The following CRLF3 variants were observed in gnomAD, a reference collection of about 807,000 sequenced individuals.
CRLF3 encodes the protein cytokine receptor like factor 3.
Under a neutral mutation model 55.0 loss-of-function variants are expected in CRLF3, and 33 were observed. The observed-to-expected ratio is 0.60, with a 90% CI of 0.46 to 0.80. CRLF3 has a LOEUF of 0.80. Ranked by LOEUF, CRLF3 falls within the 30% of genes least tolerant of loss-of-function variation. The probability of loss-of-function intolerance (pLI) is 0.00; values close to 1 mark genes in which losing one functional copy is unlikely to be tolerated. For synonymous variants in CRLF3, 238 were observed against 196.8 expected (o/e 1.21, Z -1.75); for missense variants, 494 against 538.4 (o/e 0.92, Z 0.82).
rs1274985071 is a variant in CRLF3 at position 30,784,292 on chromosome 17, T to C, written c.1224A>G (p.Ser408=). 1.9e-6 allele frequency: 3 copies of C among 1,614,024 alleles called. No individual in the cohort carries two copies. Among genetic ancestry groups the C allele is most frequent in the Middle Eastern group, 1.6e-4 (1 of 6,082 alleles). ...GHFKLRVTIS[S]NNREVVFDWL... ...AGTCAAAAACCACTTCTCTATTATT[T>C]GAACTTATAGTTACTCGAAGCTTGA... Residue 408 remains serine (S), a synonymous_variant, in exon 8 of 8, where the codon TCA becomes TCG. Coordinates refer to ENST00000324238, the MANE Select transcript of CRLF3 (RefSeq NM_015986.4).
Position 30,784,083 on chromosome 17 carries a change from T to C in CRLF3, c.*104A>G, listed in dbSNP as rs1971573740. 2 of 1,018,078 alleles carry C rather than the reference T, an allele frequency of 2.0e-6. No homozygotes were observed. Among genetic ancestry groups the C allele is most frequent in the Non-Finnish European group, 1.4e-6 (1 of 692,160 alleles). The allele number at this position is 1,018,078 out of a possible 1,614,324, so 63.1% of individuals were successfully genotyped here. On this transcript the variant is annotated 3_prime_UTR_variant, in exon 8 of 8. Coordinates refer to ENST00000324238, the MANE Select transcript of CRLF3 (RefSeq NM_015986.4). ...ATCCAGTAAACACTTTCCAATGGCC[T>C]AAGTTAGAGATGAATTCAACTTTTT...
intron 1 of CRLF3, among the ~76,000 whole-genome samples, chr17:30,815,541 C>CTTTT (rs57194440): frequency 8.6e-6 from 1 of 116,390 alleles, no homozygotes; most frequent in Non-Finnish European, 1.7e-5. Context: ...CTAGTTTCTT[C>CTTTT]TTTTTTTTTT....
intron 1 of CRLF3, among the ~76,000 whole-genome samples, chr17:30,813,017 T>C (rs552839978): frequency 1.3e-5 from 2 of 152,130 alleles, no homozygotes; most frequent in African/African-American, 4.8e-5. Context: ...CACAAGAGTG[T>C]TGCCAAGCAA....
intron 2 of CRLF3, among the ~76,000 whole-genome samples, chr17:30,799,496 C>T (rs574331140): frequency 5.0e-4 from 76 of 151,754 alleles, no homozygotes; most frequent in African/African-American, 1.7e-3. Flanking sequence ...GTAGCTAGGA[C>T]TACAGGAATG....
chr17:30,784,061 C>G lies in CRLF3; in HGVS notation c.*126G>C. 1 of 769,122 alleles carries G rather than the reference C, an allele frequency of 1.3e-6. No individual in the cohort carries two copies. Among genetic ancestry groups the G allele is most frequent in the East Asian group, 2.6e-5 (1 of 38,946 alleles). The allele number at this position is 769,122 out of a possible 1,614,324, so 47.6% of individuals were successfully genotyped here. A position where few individuals can be genotyped will look rare whatever the true frequency, so the allele number is the denominator to read the frequency against. ...TTGCTAAAATATTACAAAATGAATC[C>G]AGTAAACACTTTCCAATGGCCTAAG... is the stretch of plus-strand genomic sequence containing the variant. On this transcript the variant is annotated 3_prime_UTR_variant, in exon 8 of 8. Coordinates refer to ENST00000324238, the MANE Select transcript of CRLF3 (RefSeq NM_015986.4).
intron 1 of CRLF3, among the ~76,000 whole-genome samples, chr17:30,809,061 T>C (rs554141554): frequency 6.6e-6 from 1 of 152,324 alleles, no homozygotes; most frequent in Admixed American, 6.5e-5. Context: ...TTAGCGGATA[T>C]AGCATACACA....
chr17:30,788,490 A>T (rs1389269468), intron 6 of CRLF3, among the ~76,000 whole-genome samples: 2 of 151,680 alleles, frequency 1.3e-5, no homozygotes, highest in Non-Finnish European at 2.9e-5. Flanking sequence ...GTGGGTCTAG[A>T]GACTGTTAAA....
At chr17:30,795,462 T>C (rs11658913) in intron 4 of CRLF3, among the ~76,000 whole-genome samples, 20,421 of 148,410 alleles carry the variant, frequency 0.14, 1,482 homozygotes, top group South Asian at 0.25. Context: ...TGCCATTGTA[T>C]TCCAGCCTGA....
intron 6 of CRLF3, among the ~76,000 whole-genome samples, chr17:30,791,186 TCA>T (rs1331819015): frequency 6.6e-6 from 1 of 152,028 alleles, no homozygotes; most frequent in Non-Finnish European, 1.5e-5. Flanking sequence ...TTCTCCTGCC[TCA>T]CTCTCCCTAG....
At position 30,815,147 on chromosome 17, in the gene CRLF3, G is replaced by A. The variant is rs564085990; in HGVS notation, c.129+9376C>T. Among the ~76,000 whole-genome samples, 29 of 140,024 alleles carry A rather than the reference G, an allele frequency of 2.1e-4. No individual in the cohort carries two copies. The East Asian group carries it at 6.1e-3, about 29-fold the overall frequency. The allele number at this position is 140,024 out of a possible 152,430, so 91.9% of individuals were successfully genotyped here. ...ATTGCCCAAGCTGGAATGCAGTGGC[G>A]CAATCTTGGCTCTGTGCAACCTCTG... On this transcript the variant is annotated intron_variant, in intron 1 of 7. Coordinates refer to ENST00000324238, the MANE Select transcript of CRLF3 (RefSeq NM_015986.4).
At chr17:30,805,713 CAAAAA>C (rs58852260) in intron 1 of CRLF3, among the ~76,000 whole-genome samples, 1 of 70,982 alleles carries the variant, frequency 1.4e-5, no homozygotes, top group Non-Finnish European at 3.0e-5. Flanking sequence ...GACTCCGTCT[CAAAAA>C]AAAAAAAAAA....
chr17:30,786,104 T>C, intron 6 of CRLF3, 73 bp from the exon 7 acceptor site: 1 of 821,104 alleles, frequency 1.2e-6, no homozygotes, highest in Non-Finnish European at 2.1e-6. Flanking sequence ...AGCCACTAGC[T>C]TAAAAAGAGC....
At chr17:30,803,784 G>T in intron 2 of CRLF3, 117 bp downstream of exon 2, 1 of 784,978 alleles carries the variant, frequency 1.3e-6, no homozygotes, top group Non-Finnish European at 2.2e-6. Flanking sequence ...CAGCCACATG[G>T]AACTGTAAGT....
chr17:30,789,751 G>GTAAA (rs1971745659), intron 6 of CRLF3, among the ~76,000 whole-genome samples: 1 of 152,140 alleles, frequency 6.6e-6, no homozygotes, highest in African/African-American at 2.4e-5. Context: ...ATGGCACATA[G>GTAAA]TAAATACTGT....
At position 30,784,304 on chromosome 17, in the gene CRLF3, T is replaced by TA; in HGVS notation, c.1211dup (p.Thr405AsnfsTer6). 1 of 1,614,150 alleles carries TA rather than the reference T, an allele frequency of 6.2e-7. No homozygotes were observed. Among genetic ancestry groups the TA allele is most frequent in the Non-Finnish European group, 8.5e-7 (1 of 1,180,014 alleles). On this transcript the variant is annotated frameshift_variant, in exon 8 of 8. Transcript: ENST00000324238. LOFTEE classifies it high-confidence loss of function. ...CTTCTCTATTATTTGAACTTATAGT[T>TA]ACTCGAAGCTTGAAGTGTCCACCTT...
At chr17:30,787,456 G>T (rs1971673968) in intron 6 of CRLF3, 1 of 151,540 alleles carries the variant, frequency 6.6e-6, no homozygotes, top group Non-Finnish European at 1.5e-5. Context: ...TACTTTGTGT[G>T]CTCTTGAAAT....
chr17:30,824,189 C>T (rs181075562), intron 1 of CRLF3, among the ~76,000 whole-genome samples: 58 of 151,950 alleles, frequency 3.8e-4, no homozygotes, highest in Admixed American at 1.4e-3. Flanking sequence ...CAGTCTCCTC[C>T]TCCCCCGACT....
chr17:30,792,107 C>CA lies in CRLF3; in HGVS notation c.959+332dup, dbSNP rs1224713395. Reference sequence around the variant, plus strand: ...AGGTGATCCACCTGCCTCGGCCTACCAAAGTGCTGGGGTTACAGGTGTGAA... The same window carrying CA: ...AGGTGATCCACCTGCCTCGGCCTACCAAAAGTGCTGGGGTTACAGGTGTGAA... On this transcript the variant is annotated intron_variant, in intron 6 of 7. Transcript: ENST00000324238. Among the ~76,000 whole-genome samples the CA allele has an allele frequency of 1.1e-4, 17 of 152,290 alleles. 1 individual carries two copies. The South Asian group carries it at 2.7e-3, about 24-fold the overall frequency.
At chr17:30,808,030 A>ACCACCATTCACCATCTCATTC (rs1904471273) in intron 1 of CRLF3, among the ~76,000 whole-genome samples, 1 of 152,146 alleles carries the variant, frequency 6.6e-6, no homozygotes, top group South Asian at 2.1e-4. Context: ...CTCACCATTC[A>ACCACCATTCACCATCTCATTC]ACTATGAGAT....
Sources: gnomAD v4.1 joint callset for allele counts (sites outside exome capture counted in the v4.1 genomes callset) on GRCh38, gnomAD v4.1.1 for gene constraint, MANE v1.5 for transcripts, NCBI Gene and HGNC (gene_info 2026-07-23, HGNC 2026-07-21) for gene names.